Variants in ASTN2 observed in about 807,000 individuals in gnomAD.
ASTN2 encodes the protein astrotactin 2, also known as astrotactin-2.
ASTN2 carries 54 observed loss-of-function variants against 139.8 expected under a neutral mutation model. The observed-to-expected ratio is 0.39, with a 90% CI of 0.31 to 0.48. ASTN2 has a LOEUF of 0.48. ASTN2 is among the 20% of genes least tolerant of loss of function. The pLI is 0.95. For missense variants in ASTN2, 1,565 were observed against 1,725.1 expected, an observed-to-expected ratio of 0.91 and a Z score of 1.64; for synonymous variants, 756 against 719.5, an observed-to-expected ratio of 1.05 and a Z score of -0.81.
intron 2 of ASTN2, among the ~76,000 whole-genome samples, chr9:117,228,383 G>C (rs1373824837): frequency 2.6e-5 from 4 of 152,110 alleles, no homozygotes; most frequent in Non-Finnish European, 5.9e-5. Flanking sequence ...TCACACAATA[G>C]GGGTCTCTTA....
intron 2 of ASTN2, among the ~76,000 whole-genome samples, chr9:117,267,718 T>A (rs772167658): frequency 1.3e-5 from 2 of 152,186 alleles, no homozygotes; most frequent in Non-Finnish European, 2.9e-5. Flanking sequence ...GGCTCCTGAC[T>A]TCAGCTCACT....
chr9:117,034,276 T>C (rs1192665283), intron 6 of ASTN2, among the ~76,000 whole-genome samples: 2 of 152,186 alleles, frequency 1.3e-5, no homozygotes, highest in East Asian at 1.9e-4. Context: ...TCAGCTAAGA[T>C]AGGTGTTTAA....
At chr9:116,937,148 A>G (rs538512812) in intron 10 of ASTN2, among the ~76,000 whole-genome samples, 94 of 152,296 alleles carry the variant, frequency 6.2e-4, no homozygotes, top group African/African-American at 2.1e-3. Context: ...TGGTTCTAGA[A>G]TGGAGGTCTG....
rs28886936 is a variant in ASTN2, at chr9:117,071,228, T to C, written c.1276+24816A>G. On this transcript the variant is annotated intron_variant, in intron 5 of 22. Coordinates refer to ENST00000313400, the MANE Select transcript of ASTN2 (RefSeq NM_001365068.1). ...TTCTGTTTGTTAGTTTTCCTTCTAA[T>C]AGACAGGACCCTCAGCTGCAGGTCT... Among the ~76,000 whole-genome samples the C allele has an allele frequency of 1.6e-3, 243 of 151,552 alleles. 1 individual carries two copies. The highest frequency in any genetic ancestry group is 0.015 in the East Asian group (78 of 5,110).
intron 16 of ASTN2, among the ~76,000 whole-genome samples, chr9:116,676,498 A>G (rs1164866966): frequency 1.3e-5 from 2 of 152,164 alleles, no homozygotes; most frequent in African/African-American, 4.8e-5. Context: ...CCTGAAACCA[A>G]CACAGTACAA....
rs1009612561 is a variant in ASTN2, at chr9:116,424,252, G to C, written c.*1599C>G. 4.6e-5 allele frequency among the ~76,000 whole-genome samples: 7 copies of C among 152,152 alleles called. No homozygotes were observed. Among genetic ancestry groups the C allele is most frequent in the African/African-American group, 1.7e-4 (7 of 41,438 alleles). On this transcript the variant is annotated 3_prime_UTR_variant, in exon 23 of 23. Transcript: ENST00000313400. Reference sequence around the variant, plus strand: ...TAAATAAAGGGAGATTCCAGTGTTGGTATGTCACCCCCTAAGCTATCATCA... The same window carrying C: ...TAAATAAAGGGAGATTCCAGTGTTGCTATGTCACCCCCTAAGCTATCATCA...
chr9:116,641,370 GGC>G, intron 17 of ASTN2, among the ~76,000 whole-genome samples: 1 of 152,220 alleles, frequency 6.6e-6, no homozygotes, highest in Non-Finnish European at 1.5e-5. Context: ...GTCAAATCCT[GGC>G]TCTACAAGTT....
intron 19 of ASTN2, among the ~76,000 whole-genome samples, chr9:116,533,473 T>C (rs1365310863): frequency 3.9e-5 from 6 of 152,188 alleles, no homozygotes; most frequent in Admixed American, 3.3e-4. Flanking sequence ...TTTTTGTCTG[T>C]TCAGTATGAT....
At chr9:116,500,737 C>G (rs902230792) in intron 19 of ASTN2, among the ~76,000 whole-genome samples, 2 of 152,172 alleles carry the variant, frequency 1.3e-5, no homozygotes, top group African/African-American at 4.8e-5. Flanking sequence ...ATATCTATCT[C>G]TAGGGAATCA....
At position 116,698,162 on chromosome 9, in the gene ASTN2, A is replaced by C; in HGVS notation, c.2806+27609T>G. 1 of 1,614,164 alleles carries C rather than the reference A, an allele frequency of 6.2e-7. No individual in the cohort carries two copies. The highest frequency in any genetic ancestry group is 8.5e-7 in the Non-Finnish European group (1 of 1,180,044). On this transcript the variant is annotated intron_variant, in intron 16 of 22. Transcript: ENST00000313400. This position sits in a 1 kb window ranked among gnomAD's most constrained non-coding sequence, Gnocchi z 4.4. ...GCCACTGTACACTCCCTGTCAAAGA[A>C]GCAGCTGAGGAGCGGCGTCGGGACT...
rs1339710635 is a variant in ASTN2, at chr9:116,687,739, C to A, written c.2807-35946G>T. Among the ~76,000 whole-genome samples the A allele has an allele frequency of 2.6e-5, 4 of 151,820 alleles. No homozygotes were observed. The East Asian group carries it at 7.8e-4, about 30-fold the overall frequency. On this transcript the variant is annotated intron_variant, in intron 16 of 22. Transcript: ENST00000313400. ...GGAGGGAATCAGGGCCCTGGAGGGA[C>A]CTGGGTGCAGAATTTCAGAAATATG... is the stretch of plus-strand genomic sequence containing the variant.
intron 10 of ASTN2, among the ~76,000 whole-genome samples, chr9:116,931,992 TGGTTTGGCTGAACTGTGAGA>T (rs1834910621): frequency 1.3e-5 from 2 of 152,158 alleles, no homozygotes; most frequent in South Asian, 4.2e-4. Context: ...GAAATAACGC[TGGTTTGGCTGAACTGTGAGA>T]ATGAGGGGTG....
At chr9:117,409,699 G>A (rs1199976263) in intron 1 of ASTN2, among the ~76,000 whole-genome samples, 2 of 152,164 alleles carry the variant, frequency 1.3e-5, no homozygotes, top group Non-Finnish European at 2.9e-5. Flanking sequence ...GCTGTGGTAT[G>A]GGCACAGCTC....
chr9:116,536,722 G>A (rs62574382), intron 19 of ASTN2, among the ~76,000 whole-genome samples: 2,415 of 152,248 alleles, frequency 0.016, 2 homozygotes, highest in Middle Eastern at 0.051. Context: ...TGGAATTTTC[G>A]TCTCAGAGAG....
At chr9:116,569,301 T>C (rs549365433) in intron 19 of ASTN2, among the ~76,000 whole-genome samples, 2 of 152,228 alleles carry the variant, frequency 1.3e-5, no homozygotes, top group Admixed American at 1.3e-4. Flanking sequence ...ACAAATATAG[T>C]GCAGGCCTAA....
chr9:117,141,441 C>T lies in ASTN2; in HGVS notation c.1053G>A (p.Leu351=). ...AEATQETVES[L]MQKFKESFRA... ...GGAAACTCTCCTTGAACTTCTGCAT[C>T]AGGGACTCCACTGTCTCCTGAGTCG... The change falls in exon 4 of 23, where the codon CTG becomes CTA. Residue 351 remains leucine (L), a synonymous_variant. Transcript: ENST00000313400. The T allele has an allele frequency of 3.7e-6, 5 of 1,367,500 alleles. No homozygotes were observed. The highest frequency in any genetic ancestry group is 4.9e-6 in the Non-Finnish European group (5 of 1,021,842). The allele number at this position is 1,367,500 out of a possible 1,614,324, so 84.7% of individuals were successfully genotyped here.
intron 3 of ASTN2, among the ~76,000 whole-genome samples, chr9:117,171,947 TA>T (rs200717852): frequency 0.013 from 1,949 of 151,972 alleles, 49 homozygotes; most frequent in African/African-American, 0.045. Context: ...ATATCGTAAT[TA>T]AAAAAAATTA....
At chr9:117,293,453 A>T (rs11793765) in intron 1 of ASTN2, among the ~76,000 whole-genome samples, 57,050 of 151,664 alleles carry the variant, frequency 0.38, 11,810 homozygotes, top group East Asian at 0.56. Flanking sequence ...GTAAGTTATT[A>T]GGCCAAGCAA....
At chr9:117,277,300 G>A (rs983447503) in intron 2 of ASTN2, 5 of 152,186 alleles carry the variant, frequency 3.3e-5, no homozygotes, top group Non-Finnish European at 7.3e-5. Flanking sequence ...GGCATACATA[G>A]GGTAAGGTTC....
Sources: gnomAD v4.1 joint callset for allele counts (sites outside exome capture counted in the v4.1 genomes callset) on GRCh38, gnomAD v4.1.1 for gene constraint, Gnocchi (gnomAD v3.1) non-coding constraint, MANE v1.5 for transcripts, NCBI Gene and HGNC (gene_info 2026-07-23, HGNC 2026-07-21) for gene names.